Variants in HIPK4 observed in about 807,000 individuals in gnomAD.
The protein encoded by HIPK4 is homeodomain interacting protein kinase 4.
A neutral mutation model predicts 44.8 loss-of-function variants in HIPK4; 26 were observed. The ratio of observed to expected loss-of-function variants is 0.58; its 90% CI spans 0.43 to 0.80. The LOEUF (loss-of-function observed/expected upper bound fraction) is 0.80, where lower values mean the gene tolerates loss of function less well. HIPK4 is among the 30% of genes least tolerant of loss of function. HIPK4 has a pLI of 0.00. For missense variants in HIPK4, 729 were observed against 862.6 expected, an observed-to-expected ratio of 0.85 and a Z score of 1.94; for synonymous variants, 340 against 355.5, an observed-to-expected ratio of 0.96 and a Z score of 0.49.
rs1325336787 is a variant in HIPK4 at position 40,380,866 on chromosome 19, C to T, written c.1125G>A (p.Val375=). ...CGACGGGCGTGGGGGGCTTCCCCTC[C>T]ACTTGCAGCGAGAGGCGGTAGCTGC... ...SLRSYRLSLQ[V]EGKPPTPVVA... Residue 375 remains valine, a synonymous_variant, in exon 3 of 4, where the codon GTG becomes GTA. Coordinates refer to ENST00000291823, the MANE Select transcript of HIPK4 (RefSeq NM_144685.5). The surrounding 1 kb of genome is among the most constrained non-coding windows in gnomAD (Gnocchi z 4.2). The T allele has an allele frequency of 1.9e-6, 3 of 1,608,264 alleles. No homozygotes were observed. The highest frequency in any genetic ancestry group is 2.2e-5 in the East Asian group (1 of 44,708).
intron 1 of HIPK4, among the ~76,000 whole-genome samples, chr19:40,385,683 C>CTTT (rs142414559): frequency 6.6e-4 from 44 of 67,002 alleles, no homozygotes; most frequent in African/African-American, 2.4e-3. Flanking sequence ...CTTTTCTTTT[C>CTTT]TTTTTTTTTT....
intron 1 of HIPK4, among the ~76,000 whole-genome samples, chr19:40,384,360 A>G (rs1377066992): frequency 6.6e-6 from 1 of 151,824 alleles, no homozygotes; most frequent in African/African-American, 2.4e-5. Flanking sequence ...CTGGAGTGCA[A>G]TGGCACGATC....
At position 40,389,458 on chromosome 19, in the gene HIPK4, G is replaced by A. The variant is rs748082189; in HGVS notation, c.445C>T (p.Arg149Cys). 16 of 1,588,788 alleles carry A rather than the reference G, an allele frequency of 1.0e-5. No homozygotes were observed. Among genetic ancestry groups the A allele is most frequent in the Admixed American group, 6.8e-5 (4 of 58,694 alleles). Residue 149 changes from arginine to cysteine, a missense_variant, in exon 1 of 4, where the codon CGC becomes TGC. Coordinates refer to ENST00000291823, the MANE Select transcript of HIPK4 (RefSeq NM_144685.5). The surrounding 1 kb of genome is among the most constrained non-coding windows in gnomAD (Gnocchi z 4.6). ...CTCACCTTGACCCTGAAGGGGCAGC[G>A]GGTCTGGTCCACCAGCATGATGTTC... is the stretch of plus-strand genomic sequence containing the variant. ...PENIMLVDQT[R>C]CPFRVKVIDF...
At chr19:40,383,565 A>G (rs2079347828) in intron 2 of HIPK4, among the ~76,000 whole-genome samples, 1 of 151,948 alleles carries the variant, frequency 6.6e-6, no homozygotes, top group African/African-American at 2.4e-5. Flanking sequence ...CAATAGGCCC[A>G]TACCACCGTG....
chr19:40,389,785 T>C lies in HIPK4; in HGVS notation c.118A>G (p.Lys40Glu). Residue 40 changes from lysine (K) to glutamate (E), a missense_variant, in exon 1 of 4, where the codon AAG becomes GAG. Lys to Glu is a moderately conservative substitution (Grantham distance 56). Around this residue, in one of 2 missense-constraint regions of HIPK4, gnomAD observed 196 missense variants for 295.1 expected, o/e 0.66. Transcript: ENST00000291823. This position sits in a 1 kb window ranked among gnomAD's most constrained non-coding sequence, Gnocchi z 4.6. The part of the protein sequence containing the change: ...RRSTGEMVAI[K>E]ILKNDAYRNR... ...CGGTAGGCGTCATTCTTGAGGATCT[T>C]GATGGCCACCATCTCGCCCGTGCTC... The C allele has an allele frequency of 1.2e-6, 2 of 1,614,142 alleles. No individual in the cohort carries two copies. Among genetic ancestry groups the C allele is most frequent in the Non-Finnish European group, 1.7e-6 (2 of 1,179,994 alleles).
intron 1 of HIPK4, among the ~76,000 whole-genome samples, chr19:40,386,349 G>A (rs558305213): frequency 6.5e-4 from 98 of 151,930 alleles, no homozygotes; most frequent in African/African-American, 2.3e-3. Context: ...GAGCCACGGC[G>A]CCCAGCCCTT....
chr19:40,385,894 G>C (rs942090750), intron 1 of HIPK4, among the ~76,000 whole-genome samples: 3 of 151,144 alleles, frequency 2.0e-5, no homozygotes, highest in Admixed American at 1.3e-4. Flanking sequence ...TTTTAGTAGA[G>C]ACGGGGTTTC....
Position 40,389,355 on chromosome 19 carries a change from TAAAA to T in HIPK4, c.465+79_465+82del, listed in dbSNP as rs908938213. 2 of 635,198 alleles carry T rather than the reference TAAAA, an allele frequency of 3.1e-6. No homozygotes were observed. The highest frequency in any genetic ancestry group is 3.9e-5 in the African/African-American group (2 of 51,494). 39.3% of individuals were successfully genotyped at this position (635,198 alleles called of 1,614,324 possible). On this transcript the variant is annotated intron_variant, in intron 1 of 3. Coordinates refer to ENST00000291823, the MANE Select transcript of HIPK4 (RefSeq NM_144685.5). The surrounding 1 kb of genome is among the most constrained non-coding windows in gnomAD (Gnocchi z 4.6). Reference sequence around the variant, plus strand: ...AATAATAATAATAATTTTAAAAAATTAAAAAAAAAATCTAGGGCTGGAAGAAGCT... The same window carrying T: ...AATAATAATAATAATTTTAAAAAATTAAAAAATCTAGGGCTGGAAGAAGCT...
rs576581268 is a variant in HIPK4, at chr19:40,389,356, A to T, written c.465+82T>A. ...ATAATAATAATAATTTTAAAAAATT[A>T]AAAAAAAAATCTAGGGCTGGAAGAA... On this transcript the variant is annotated intron_variant, in intron 1 of 3. Transcript: ENST00000291823. The surrounding 1 kb of genome is among the most constrained non-coding windows in gnomAD (Gnocchi z 4.6). 5.0e-4 allele frequency: 273 copies of T among 543,266 alleles called. No individual in the cohort carries two copies. Among genetic ancestry groups the T allele is most frequent in the Middle Eastern group, 3.3e-3 (9 of 2,746 alleles). The allele number at this position is 543,266 out of a possible 1,614,324, so 33.7% of individuals were successfully genotyped here. A position where few individuals can be genotyped will look rare whatever the true frequency, so the allele number is the denominator to read the frequency against.
chr19:40,383,726 A>AT, intron 2 of HIPK4, 57 bp downstream of exon 2: 32 of 1,391,558 alleles, frequency 2.3e-5, no homozygotes, highest in Non-Finnish European at 2.9e-5. Context: ...CCACCCTAGA[A>AT]TTTTTTTTCA....
At chr19:40,387,251 G>C (rs1347877593) in intron 1 of HIPK4, among the ~76,000 whole-genome samples, 2 of 151,872 alleles carry the variant, frequency 1.3e-5, no homozygotes, top group Admixed American at 1.3e-4. Context: ...CTCTGTCTCT[G>C]TGTCGTCCAC....
In HIPK4 at chr19:40,380,455, A is replaced by G. The variant is rs766915988; in HGVS notation, c.1536T>C (p.Pro512=). ...SNLIRLSQVS[P]EDDRPCRGSS... ...TGCCCCGGCAGGGCCTGTCATCCTC[A>G]GGCGAGACCTGGCTCAGCCGAATGA... Residue 512 remains proline, a synonymous_variant, in exon 3 of 4, where the codon CCT becomes CCC. Transcript: ENST00000291823. This position sits in a 1 kb window ranked among gnomAD's most constrained non-coding sequence, Gnocchi z 4.2. 27 of 1,613,888 alleles carry G rather than the reference A, an allele frequency of 1.7e-5. No homozygotes were observed. Among genetic ancestry groups the G allele is most frequent in the Non-Finnish European group, 2.2e-5 (26 of 1,180,018 alleles).
intron 1 of HIPK4, among the ~76,000 whole-genome samples, chr19:40,386,624 T>C (rs1390985080): frequency 1.3e-5 from 2 of 150,388 alleles, no homozygotes; most frequent in Admixed American, 1.3e-4. Flanking sequence ...CATGCTGGGA[T>C]TATAGGCATG....
chr19:40,383,724 G>T (rs2079348505), intron 2 of HIPK4, 59 bp downstream of exon 2: 4 of 1,375,498 alleles, frequency 2.9e-6, no homozygotes, highest in South Asian at 1.3e-5. Flanking sequence ...GCCCACCCTA[G>T]AATTTTTTTT....
At position 40,380,334 on chromosome 19, in the gene HIPK4, T is replaced by C. The variant is rs201954765; in HGVS notation, c.1657A>G (p.Met553Val). The change falls in exon 3 of 4, where the codon ATG becomes GTG. Residue 553 changes from methionine to valine, a missense_variant. Met to Val is a conservative substitution (Grantham distance 21). Transcript: ENST00000291823. This position sits in a 1 kb window ranked among gnomAD's most constrained non-coding sequence, Gnocchi z 4.2. Reference protein sequence around the residue: ...EDGPNIDNMTMEAERPDPELF... With the variant: ...EDGPNIDNMTVEAERPDPELF... The stretch of plus-strand genomic sequence containing the variant: ...CGCACCCGGCTCACCTCAGCTTCCA[T>C]GGTCATGTTGTCAATGTTGGGCCCA... The C allele has an allele frequency of 1.1e-5, 17 of 1,612,812 alleles. No homozygotes were observed. The East Asian group carries it at 3.8e-4, about 36-fold the overall frequency.
chr19:40,385,008 T>C (rs147502034), intron 1 of HIPK4, among the ~76,000 whole-genome samples: 2 of 152,306 alleles, frequency 1.3e-5, no homozygotes, highest in East Asian at 1.9e-4. Flanking sequence ...ACTAGAACTA[T>C]GCAAAGGAGG....
Position 40,381,141 on chromosome 19 carries a change from T to G in HIPK4, c.850A>C (p.Met284Leu). ...TCAATCTGGTCCAACGACTTGAGCA[T>G]ATACTTGCGGCGCTCCAATGGGCGC... ...KVRPLERRKY[M>L]LKSLDQIETV... Residue 284 changes from methionine (M) to leucine (L), a missense_variant, in exon 3 of 4, where the codon ATG becomes CTG. Met to Leu is a conservative substitution (Grantham distance 15). This residue lies in a region of HIPK4 where 533 missense variants were observed against 567.5 expected (regional missense o/e 0.94). Coordinates refer to ENST00000291823, the MANE Select transcript of HIPK4 (RefSeq NM_144685.5). The G allele has an allele frequency of 6.2e-7, 1 of 1,602,540 alleles. No individual in the cohort carries two copies. The highest frequency in any genetic ancestry group is 1.7e-5 in the Admixed American group (1 of 59,998).
chr19:40,388,191 T>C (rs1233719037), intron 1 of HIPK4, among the ~76,000 whole-genome samples: 2 of 151,954 alleles, frequency 1.3e-5, no homozygotes, highest in Non-Finnish European at 2.9e-5. Flanking sequence ...CTAATTTTTA[T>C]ACTTTTAGCA....
At chr19:40,384,196 C>T in intron 1 of HIPK4, 57 bp from the exon 2 acceptor site, 1 of 1,380,858 alleles carries the variant, frequency 7.2e-7, no homozygotes, top group Non-Finnish European at 9.9e-7. Context: ...GACAGCCGAG[C>T]TGGGCCACCC....
Sources: gnomAD v4.1 joint callset for allele counts (sites outside exome capture counted in the v4.1 genomes callset) on GRCh38, gnomAD v4.1.1 for gene constraint, gnomAD v4.1.1 regional missense constraint, Gnocchi (gnomAD v3.1) non-coding constraint, MANE v1.5 for transcripts, NCBI Gene and HGNC (gene_info 2026-07-23, HGNC 2026-07-21) for gene names.